MBP: variants seen among roughly 807,000 people sequenced by gnomAD.
MBP encodes the protein myelin basic protein, also known as Golli-MBP.
MBP carries 16 observed loss-of-function variants against 35.8 expected under a neutral mutation model. That is an observed-to-expected ratio of 0.45 (90% CI 0.30 to 0.68). The LOEUF is 0.68. Ranked by LOEUF, MBP falls within the 30% of genes least tolerant of loss-of-function variation. The probability of loss-of-function intolerance (pLI) is 0.08; values close to 1 mark genes in which losing one functional copy is unlikely to be tolerated. For synonymous variants in MBP, 143 were observed against 159.6 expected, an observed-to-expected ratio of 0.90 and a Z score of 0.78; for missense variants, 380 against 404.7, an observed-to-expected ratio of 0.94 and a Z score of 0.52.
chr18:76,992,401 G>T (rs773906478), intron 4 of MBP, among the ~76,000 whole-genome samples: 1 of 152,122 alleles, frequency 6.6e-6, no homozygotes, highest in East Asian at 1.9e-4. Flanking sequence ...TCACTCGCCC[G>T]CTGCTCACCT....
intron 1 of MBP, among the ~76,000 whole-genome samples, chr18:77,107,153 T>C (rs1976305295): frequency 6.6e-6 from 1 of 152,206 alleles, no homozygotes. Context: ...ATGTCAAATA[T>C]CTGTCAATCC....
chr18:77,014,471 G>A (rs1053822823), intron 4 of MBP: 3 of 985,476 alleles, frequency 3.0e-6, no homozygotes, highest in Non-Finnish European at 3.6e-6. Context: ...GACAGGGCCC[G>A]GGCCTTCCAC....
At chr18:77,030,333 C>G (rs1782722397) in intron 3 of MBP, among the ~76,000 whole-genome samples, 1 of 152,194 alleles carries the variant, frequency 6.6e-6, no homozygotes, top group African/African-American at 2.4e-5. Flanking sequence ...CGTAGGGACT[C>G]TGTGTGGAAA....
chr18:77,017,277 A>C lies in MBP; in HGVS notation c.140-9T>G, dbSNP rs770921888. ...GTTCGCATCTGCCTCTCCTGCAAACAACAATGAGATATGAATACGGGCCTG... is the reference window on the plus strand; with the variant it reads ...GTTCGCATCTGCCTCTCCTGCAAACCACAATGAGATATGAATACGGGCCTG... On this transcript the variant is annotated splice_polypyrimidine_tract_variant and intron_variant, in intron 3 of 8. Transcript: ENST00000355994. The C allele has an allele frequency of 2.6e-5, 39 of 1,504,318 alleles. No homozygotes were observed. The highest frequency in any genetic ancestry group is 3.3e-5 in the Non-Finnish European group (37 of 1,128,630). The allele number at this position is 1,504,318 out of a possible 1,614,324, so 93.2% of individuals were successfully genotyped here.
At chr18:77,010,367 C>A (rs1971274658) in intron 4 of MBP, among the ~76,000 whole-genome samples, 1 of 152,194 alleles carries the variant, frequency 6.6e-6, no homozygotes, top group Non-Finnish European at 1.5e-5. Flanking sequence ...TTGACGTCTA[C>A]CATGGAATGG....
At chr18:77,068,783 G>A (rs545288961) in intron 2 of MBP, among the ~76,000 whole-genome samples, 270 of 152,282 alleles carry the variant, frequency 1.8e-3, no homozygotes, top group African/African-American at 6.1e-3. Flanking sequence ...AATACAGAGC[G>A]AAACAAAAAT....
chr18:77,010,033 G>T, intron 4 of MBP: 1 of 723,398 alleles, frequency 1.4e-6, no homozygotes, highest in South Asian at 1.6e-5. Context: ...CAAGAGCCCA[G>T]AGTGAGGAGG....
chr18:76,988,741 T>C lies in MBP; in HGVS notation c.717+136A>G. The C allele has an allele frequency of 7.5e-7, 1 of 1,327,608 alleles. No individual in the cohort carries two copies. Among genetic ancestry groups the C allele is most frequent in the South Asian group, 1.3e-5 (1 of 74,766 alleles). The allele number at this position is 1,327,608 out of a possible 1,614,324, so 82.2% of individuals were successfully genotyped here. On this transcript the variant is annotated intron_variant, in intron 6 of 8. Transcript: ENST00000355994. The surrounding 1 kb of genome is among the most constrained non-coding windows in gnomAD (Gnocchi z 5.2). ...GCATGGATCTGCCGACCTGTTCTAC[T>C]TGGGAGCTGCCTGGCAACACGTTTT...
At chr18:77,091,891 T>C (rs1271218510) in intron 2 of MBP, among the ~76,000 whole-genome samples, 2 of 152,164 alleles carry the variant, frequency 1.3e-5, no homozygotes, top group African/African-American at 4.8e-5. Flanking sequence ...TATGCACAGT[T>C]ACAAACACAG....
At chr18:77,018,643 C>CCATCCAT in intron 3 of MBP, among the ~76,000 whole-genome samples, 1 of 72,038 alleles carries the variant, frequency 1.4e-5, no homozygotes, top group African/African-American at 4.5e-5. Flanking sequence ...CATCCATCCA[C>CCATCCAT]ATATCAGTCC....
intron 1 of MBP, among the ~76,000 whole-genome samples, chr18:77,115,944 T>G (rs1191894554): frequency 6.6e-6 from 1 of 151,262 alleles, no homozygotes. Flanking sequence ...AAGACCTGGC[T>G]CTGAGCTGTC....
intron 3 of MBP, among the ~76,000 whole-genome samples, chr18:77,039,135 C>T (rs146669307): frequency 1.3e-3 from 202 of 152,336 alleles, no homozygotes; most frequent in African/African-American, 4.4e-3. Context: ...GAAATTGTCT[C>T]GGCTGCTTTT....
intron 2 of MBP, among the ~76,000 whole-genome samples, chr18:77,092,296 C>T (rs950250575): frequency 2.0e-5 from 3 of 152,188 alleles, no homozygotes; most frequent in Non-Finnish European, 4.4e-5. Flanking sequence ...CTCCCTCTGT[C>T]CCTCGCGGGG....
At chr18:76,992,935 G>T (rs117538209) in intron 4 of MBP, among the ~76,000 whole-genome samples, 1 of 152,292 alleles carries the variant, frequency 6.6e-6, no homozygotes, top group South Asian at 2.1e-4. Flanking sequence ...CTTGTGCAGG[G>T]TCCTTTCTGT....
intron 3 of MBP, among the ~76,000 whole-genome samples, chr18:77,046,665 C>T (rs945387680): frequency 6.6e-6 from 1 of 152,254 alleles, no homozygotes; most frequent in African/African-American, 2.4e-5. Flanking sequence ...GAGGTAGCGA[C>T]AGGTCCCAGT....
At chr18:76,984,742 C>A in intron 8 of MBP, 33 bp downstream of exon 8, 7 of 1,613,506 alleles carry the variant, frequency 4.3e-6, no homozygotes, top group Non-Finnish European at 5.9e-6. Flanking sequence ...CCCTTAGTCC[C>A]CGCTCAGTGG....
At chr18:77,068,694 C>T (rs1234618117) in intron 2 of MBP, among the ~76,000 whole-genome samples, 4 of 152,122 alleles carry the variant, frequency 2.6e-5, no homozygotes, top group East Asian at 1.9e-4. Context: ...TTCCAGATTG[C>T]GAGTCACAGA....
chr18:77,063,689 A>T (rs2144786121), intron 3 of MBP, among the ~76,000 whole-genome samples: 1 of 152,298 alleles, frequency 6.6e-6, no homozygotes, highest in African/African-American at 2.4e-5. Flanking sequence ...TGATGGAAAT[A>T]TTCTGCATTT....
chr18:77,106,658 T>C (rs1460981682), intron 1 of MBP, among the ~76,000 whole-genome samples: 1 of 152,188 alleles, frequency 6.6e-6, no homozygotes, highest in African/African-American at 2.4e-5. Flanking sequence ...GATGAGGCTC[T>C]GCGAAATCAA....
Sources: allele counts gnomAD v4.1 joint callset (sites outside exome capture counted in the v4.1 genomes callset), GRCh38; gene constraint gnomAD v4.1.1; non-coding constraint Gnocchi (gnomAD v3.1); transcripts MANE v1.5; gene names NCBI Gene and HGNC (gene_info 2026-07-23, HGNC 2026-07-21).